The following OSGEPL1 variants were observed in gnomAD, a reference collection of about 807,000 sequenced individuals.
OSGEPL1 encodes the protein O-sialoglycoprotein endopeptidase like 1.
In OSGEPL1, 26 loss-of-function variants were observed where a neutral mutation model predicts 37.2. The ratio of observed to expected loss-of-function variants is 0.70; its 90% CI spans 0.51 to 0.97. The LOEUF is 0.97. Ranked by LOEUF, OSGEPL1 falls within the 50% of genes least tolerant of loss-of-function variation. The probability of loss-of-function intolerance (pLI) is 0.00; values close to 1 mark genes in which losing one functional copy is unlikely to be tolerated. For synonymous variants in OSGEPL1, 140 were observed against 159.9 expected (o/e 0.88, Z 0.94); for missense variants, 404 against 487.0 (o/e 0.83, Z 1.60).
chr2:189,755,409 C>A lies in OSGEPL1; in HGVS notation c.373G>T (p.Gly125Ter). The change falls in exon 3 of 9, where the codon GGA becomes TGA. Residue 125 changes from glycine (G) to a stop codon, truncating the protein, a stop_gained. Transcript: ENST00000264151. LOFTEE classifies it high-confidence loss of function. ...TGTAAGCTAAATGATAAGCCCACTCCCAGGCTTAAAGCAAGTCCTGGTTTT... is the reference window on the plus strand; with the variant it reads ...TGTAAGCTAAATGATAAGCCCACTCACAGGCTTAAAGCAAGTCCTGGTTTT... Reference protein sequence around the residue: ...TIKPGLALSLGVGLSFSLQLV... With the variant: ...TIKPGLALSL 1 of 1,611,462 alleles carries A rather than the reference C, an allele frequency of 6.2e-7. No homozygotes were observed. Among genetic ancestry groups the A allele is most frequent in the South Asian group, 1.1e-5 (1 of 90,550 alleles).
chr2:189,753,191 G>T, intron 5 of OSGEPL1: 2 of 323,660 alleles, frequency 6.2e-6, no homozygotes, highest in East Asian at 5.2e-5. Flanking sequence ...TAGCATTTTT[G>T]TATATTTTCT....
chr2:189,762,408 A>G lies in OSGEPL1; in HGVS notation c.-21+277T>C, dbSNP rs3828266. On this transcript the variant is annotated intron_variant, in intron 1 of 8. Transcript: ENST00000264151. Reference sequence around the variant, plus strand: ...ACTAAAGGGACACGGCATCCCAGGGATTAGAGATGAGCGACCTATTTGCAG... The same window carrying G: ...ACTAAAGGGACACGGCATCCCAGGGGTTAGAGATGAGCGACCTATTTGCAG... 9.7e-4 allele frequency: 187 copies of G among 192,638 alleles called. 4 individuals are homozygous for G. The East Asian group carries it at 0.034, about 35-fold the overall frequency. 11.9% of individuals were successfully genotyped at this position (192,638 alleles called of 1,614,324 possible).
At chr2:189,761,146 G>T (rs937931154) in intron 2 of OSGEPL1, 1 of 264,418 alleles carries the variant, frequency 3.8e-6, no homozygotes, top group African/African-American at 2.2e-5. Context: ...GTGGAGAAAA[G>T]AAGGAATGCA....
chr2:189,750,787 TTAAA>T, intron 7 of OSGEPL1, 131 bp from the exon 8 acceptor site: 1 of 588,818 alleles, frequency 1.7e-6, no homozygotes, highest in Admixed American at 3.8e-5. Flanking sequence ...GTGATGATTC[TTAAA>T]TACTTACAAA....
At chr2:189,760,441 G>A (rs953850081) in intron 2 of OSGEPL1, among the ~76,000 whole-genome samples, 51 of 152,332 alleles carry the variant, frequency 3.3e-4, no homozygotes, top group African/African-American at 1.2e-3. Flanking sequence ...CCTCCCAAGA[G>A]TATTTTAATA....
At chr2:189,758,386 GA>G (rs1008162705) in intron 2 of OSGEPL1, among the ~76,000 whole-genome samples, 4 of 147,008 alleles carry the variant, frequency 2.7e-5, no homozygotes, top group African/African-American at 5.0e-5. Flanking sequence ...CATCTCAAAA[GA>G]AAAAAAAAAG....
At chr2:189,762,895 GCT>G (rs894561840), upstream of OSGEPL1, 68 of 985,404 alleles carry the variant, frequency 6.9e-5, no homozygotes, top group African/African-American at 1.1e-3. Context: ...TGCCCAAAAC[GCT>G]CTCTGTGCGC....
intron 7 of OSGEPL1, 49 bp downstream of exon 7, chr2:189,752,598 AGGCTTT>A: frequency 6.4e-7 from 1 of 1,569,320 alleles, no homozygotes. Flanking sequence ...GGCAAAATCC[AGGCTTT>A]GTCTTAAGTA....
rs1389336634 is a variant in OSGEPL1, at chr2:189,761,298, TAAA to T, written c.221+119_221+121del. 14 of 1,049,506 alleles carry T rather than the reference TAAA, an allele frequency of 1.3e-5. No individual in the cohort carries two copies. In the Admixed American group the frequency reaches 3.3e-4, roughly 25 times the overall value. The allele number at this position is 1,049,506 out of a possible 1,614,324, so 65.0% of individuals were successfully genotyped here. A position where few individuals can be genotyped will look rare whatever the true frequency, so the allele number is the denominator to read the frequency against. ...GTTTGAGGTTTTCTATAGCAGTTATTAAAAGTGTTTGCAAAAAGGAATAAGACA... is the reference window on the plus strand; with the variant it reads ...GTTTGAGGTTTTCTATAGCAGTTATTAGTGTTTGCAAAAAGGAATAAGACA... On this transcript the variant is annotated intron_variant, in intron 2 of 8. Transcript: ENST00000264151.
rs1292915064 is a variant in OSGEPL1, at chr2:189,750,637, T to C, written c.1186A>G (p.Ile396Val). The C allele has an allele frequency of 1.9e-6, 3 of 1,586,984 alleles. No individual in the cohort carries two copies. The highest frequency in any genetic ancestry group is 1.3e-5 in the African/African-American group (1 of 74,492). Residue 396 changes from isoleucine to valine, a missense_variant, in exon 8 of 9, where the codon ATA becomes GTA. By Grantham distance (29) the Ile-to-Val change is conservative. Coordinates refer to ENST00000264151, the MANE Select transcript of OSGEPL1 (RefSeq NM_022353.3). ...YEPKCPLGVD[I>V]SKEVGEASIK... ...GAAGCTTCTCCAACTTCTTTTGATA[T>C]GTCTACTCCAAGAGGACATCTACAT...
rs1197994683 is a variant in OSGEPL1 at position 189,754,022 on chromosome 2, G to C, written c.857C>G (p.Ala286Gly). Reference protein sequence around the residue: ...GQILSSAADIAATVQHTMACH... With the variant: ...GQILSSAADIGATVQHTMACH... ...TGCCATTGTGTGCTGTACTGTGGCA[G>C]CAATGTCTGCTGCTGAAGACAGGAT... The change falls in exon 5 of 9, where the codon GCT (alanine) becomes GGT (glycine). Residue 286 changes from alanine (A) to glycine (G), a missense_variant. Ala to Gly is a moderately conservative substitution (Grantham distance 60). Transcript: ENST00000264151. 6.2e-7 allele frequency: 1 copy of C among 1,613,396 alleles called. No individual in the cohort carries two copies. The highest frequency in any genetic ancestry group is 8.5e-7 in the Non-Finnish European group (1 of 1,179,788).
Position 189,753,840 on chromosome 2 carries a change from C to T in OSGEPL1, c.963+76G>A, listed in dbSNP as rs1368846969. 7.4e-6 allele frequency: 11 copies of T among 1,482,416 alleles called. No individual in the cohort carries two copies. In the East Asian group the frequency reaches 9.1e-5, roughly 12 times the overall value. 91.8% of individuals were successfully genotyped at this position (1,482,416 alleles called of 1,614,324 possible). Reference sequence around the variant, plus strand: ...GGCATAAAGATCTGTTCATCCTAAACACAAGGTCAAGGTCTTGGGAAAAAA... The same window carrying T: ...GGCATAAAGATCTGTTCATCCTAAATACAAGGTCAAGGTCTTGGGAAAAAA... On this transcript the variant is annotated intron_variant, in intron 5 of 8. Coordinates refer to ENST00000264151, the MANE Select transcript of OSGEPL1 (RefSeq NM_022353.3).
In OSGEPL1 at chr2:189,761,688, T is replaced by C. The variant is rs750090032; in HGVS notation, c.-20-28A>G. 28 of 1,474,000 alleles carry C rather than the reference T, an allele frequency of 1.9e-5. No individual in the cohort carries two copies. The South Asian group carries it at 4.1e-4, about 21-fold the overall frequency. The allele number at this position is 1,474,000 out of a possible 1,614,324, so 91.3% of individuals were successfully genotyped here. On this transcript the variant is annotated intron_variant, in intron 1 of 8. Transcript: ENST00000264151. ...GAAAAAGAATTACAGAAACAACTTA[T>C]TATTTGCAACTGACATTAGCCAGCT...
intron 2 of OSGEPL1, among the ~76,000 whole-genome samples, chr2:189,759,978 T>C (rs2046748477): frequency 6.6e-6 from 1 of 152,170 alleles, no homozygotes; most frequent in South Asian, 2.1e-4. Context: ...GTATGCTGCC[T>C]TCAAGCATCT....
intron 1 of OSGEPL1, 172 bp downstream of exon 1, chr2:189,762,513 G>C (rs963923820): frequency 1.2e-6 from 1 of 842,288 alleles, no homozygotes; most frequent in Admixed American, 6.2e-5. Context: ...TGGACAAGGA[G>C]GATTGTACGA....
chr2:189,762,887 C>G, upstream of OSGEPL1: 2 of 985,426 alleles, frequency 2.0e-6, no homozygotes, highest in South Asian at 9.4e-5. Context: ...GCCGTCTTTG[C>G]CCAAAACGCT....
chr2:189,746,747 C>A lies in OSGEPL1; in HGVS notation c.*450G>T. On this transcript the variant is annotated 3_prime_UTR_variant, in exon 9 of 9. Coordinates refer to ENST00000264151, the MANE Select transcript of OSGEPL1 (RefSeq NM_022353.3). ...CTTTTTGAATGAAAGTTCTTGATCT[C>A]GATACTAAGCAGATTTTCCTTAGCA... The A allele has an allele frequency of 9.1e-7, 1 of 1,101,690 alleles. No homozygotes were observed. Among genetic ancestry groups the A allele is most frequent in the Non-Finnish European group, 1.2e-6 (1 of 808,178 alleles). The allele number at this position is 1,101,690 out of a possible 1,614,324, so 68.2% of individuals were successfully genotyped here. A position where few individuals can be genotyped will look rare whatever the true frequency, so the allele number is the denominator to read the frequency against.
At chr2:189,758,917 T>C (rs1185107685) in intron 2 of OSGEPL1, among the ~76,000 whole-genome samples, 1 of 152,230 alleles carries the variant, frequency 6.6e-6, no homozygotes, top group Non-Finnish European at 1.5e-5. Context: ...TTCTGTGCCA[T>C]TAACTTTTAC....
intron 2 of OSGEPL1, among the ~76,000 whole-genome samples, chr2:189,758,240 G>A (rs1278219067): frequency 6.6e-6 from 1 of 152,106 alleles, no homozygotes; most frequent in East Asian, 1.9e-4. Flanking sequence ...AATTAGCTGG[G>A]CATGGTGGCG....
Sources: allele counts gnomAD v4.1 joint callset (sites outside exome capture counted in the v4.1 genomes callset), GRCh38; gene constraint gnomAD v4.1.1; transcripts MANE v1.5; gene names NCBI Gene and HGNC (gene_info 2026-07-23, HGNC 2026-07-21).